Variants in CSMD1 observed in about 807,000 individuals in gnomAD.
CSMD1 encodes the protein CUB and Sushi multiple domains 1.
A neutral mutation model predicts 417.5 loss-of-function variants in CSMD1; 213 were observed. That is an observed-to-expected ratio of 0.51 (90% CI 0.46 to 0.57). CSMD1 has a LOEUF of 0.57. Ranked by LOEUF, CSMD1 falls within the 20% of genes least tolerant of loss-of-function variation. CSMD1 has a pLI of 0.00. For missense variants in CSMD1, 6,923 were observed against 4,529.7 expected (o/e 1.53, Z -15.17); for synonymous variants, 2,862 against 1,736.8 (o/e 1.65, Z -16.11).
At chr8:2,994,791 C>A (rs1057508800) in intron 54 of CSMD1, among the ~76,000 whole-genome samples, 2 of 152,026 alleles carry the variant, frequency 1.3e-5, no homozygotes, top group African/African-American at 4.8e-5. Flanking sequence ...CATAGAAGCC[C>A]TTCCTGATAA....
chr8:4,513,086 AC>A (rs1377062884), intron 2 of CSMD1, among the ~76,000 whole-genome samples: 3 of 152,186 alleles, frequency 2.0e-5, no homozygotes, highest in African/African-American at 7.2e-5. Context: ...ATGTTATTGA[AC>A]TTTTGTCCAA....
intron 3 of CSMD1, among the ~76,000 whole-genome samples, chr8:4,187,421 C>T (rs1209643051): frequency 6.6e-6 from 1 of 152,010 alleles, no homozygotes; most frequent in Non-Finnish European, 1.5e-5. Context: ...CCAAGGCAGG[C>T]AGATCACCTG....
At chr8:4,217,664 A>AG (rs559775058) in intron 3 of CSMD1, among the ~76,000 whole-genome samples, 1 of 151,944 alleles carries the variant, frequency 6.6e-6, no homozygotes, top group African/African-American at 2.4e-5. Context: ...ATCAGAAAAA[A>AG]AAAAAAATTA....
chr8:4,123,842 G>A (rs962401173), intron 3 of CSMD1, among the ~76,000 whole-genome samples: 1 of 152,036 alleles, frequency 6.6e-6, no homozygotes, highest in African/African-American at 2.4e-5. Flanking sequence ...TAGAGAATGA[G>A]AACACGGAAC....
chr8:4,053,467 A>C (rs1438311396), intron 3 of CSMD1, among the ~76,000 whole-genome samples: 3 of 152,018 alleles, frequency 2.0e-5, no homozygotes, highest in African/African-American at 7.3e-5. Flanking sequence ...CTGAAGTTCA[A>C]GGTTTTGGCC....
intron 3 of CSMD1, among the ~76,000 whole-genome samples, chr8:4,077,321 ATG>A (rs1563092912): frequency 7.1e-6 from 1 of 140,992 alleles, no homozygotes; most frequent in African/African-American, 2.6e-5. Flanking sequence ...ATATATATAT[ATG>A]GTAGACATAT....
chr8:4,802,813 C>A (rs1798376546), intron 1 of CSMD1, among the ~76,000 whole-genome samples: 1 of 152,152 alleles, frequency 6.6e-6, no homozygotes, highest in African/African-American at 2.4e-5. Flanking sequence ...TAGGGAAGGA[C>A]AGACTCCAAT....
chr8:4,963,266 T>C lies in CSMD1; in HGVS notation c.85+31066A>G, dbSNP rs151213664. ...CGCAGGCTGGAGTGCAGTGGTGCAA[T>C]CTTGACTCACTGTAACCTCCACCTC... is the stretch of plus-strand genomic sequence containing the variant. On this transcript the variant is annotated intron_variant, in intron 1 of 69. Coordinates refer to ENST00000635120, the MANE Select transcript of CSMD1 (RefSeq NM_033225.6). Among the ~76,000 whole-genome samples the C allele has an allele frequency of 1.0e-3, 158 of 152,294 alleles. 3 individuals are homozygous for C. The East Asian group carries it at 0.014, about 13-fold the overall frequency.
intron 41 of CSMD1, 91 bp from the exon 42 acceptor site, chr8:3,118,678 G>C (rs1428632783): frequency 1.8e-6 from 2 of 1,138,742 alleles, no homozygotes; most frequent in South Asian, 1.5e-5. Context: ...GTGACTGCTT[G>C]AGATGAAGTT....
intron 10 of CSMD1, among the ~76,000 whole-genome samples, chr8:3,521,733 A>T (rs1797516778): frequency 6.6e-6 from 1 of 152,230 alleles, no homozygotes; most frequent in South Asian, 2.1e-4. Context: ...GTATGCCTCA[A>T]AGATGTTAAG....
intron 7 of CSMD1, among the ~76,000 whole-genome samples, chr8:3,647,766 GAA>G (rs1208519349): frequency 6.6e-6 from 1 of 152,180 alleles, no homozygotes; most frequent in Non-Finnish European, 1.5e-5. Flanking sequence ...GAGACAGAGA[GAA>G]AGAGTGAGAG....
At chr8:3,267,163 G>C (rs954702776) in intron 26 of CSMD1, among the ~76,000 whole-genome samples, 1 of 152,150 alleles carries the variant, frequency 6.6e-6, no homozygotes, top group African/African-American at 2.4e-5. Context: ...ATGTCTGCTG[G>C]AGGACCACCA....
intron 3 of CSMD1, among the ~76,000 whole-genome samples, chr8:4,312,526 T>C (rs1273193546): frequency 6.6e-6 from 1 of 151,242 alleles, no homozygotes; most frequent in Non-Finnish European, 1.5e-5. Flanking sequence ...ATGTTACTTA[T>C]TGAGAATGAT....
intron 28 of CSMD1, among the ~76,000 whole-genome samples, chr8:3,223,434 C>A (rs969159096): frequency 1.3e-5 from 2 of 152,112 alleles, no homozygotes; most frequent in African/African-American, 4.8e-5. Flanking sequence ...GTCTCCATAC[C>A]ATATTTTTAT....
chr8:4,131,973 C>T (rs987970993), intron 3 of CSMD1, among the ~76,000 whole-genome samples: 1 of 151,784 alleles, frequency 6.6e-6, no homozygotes, highest in Admixed American at 6.6e-5. Context: ...ACCATGTTAG[C>T]CAGGATGGTC....
intron 12 of CSMD1, among the ~76,000 whole-genome samples, chr8:3,441,631 G>A (rs563500777): frequency 8.7e-4 from 132 of 151,926 alleles, no homozygotes; most frequent in Non-Finnish European, 1.5e-3. Context: ...TAATGACATA[G>A]TAGCCATTGA....
intron 3 of CSMD1, among the ~76,000 whole-genome samples, chr8:4,149,625 G>T (rs779070029): frequency 6.6e-6 from 1 of 152,134 alleles, no homozygotes; most frequent in East Asian, 1.9e-4. Flanking sequence ...TCTGTCTGTA[G>T]AATCATCCTA....
chr8:4,410,694 TAAA>T (rs1563144576), intron 3 of CSMD1, among the ~76,000 whole-genome samples: 1 of 151,994 alleles, frequency 6.6e-6, no homozygotes, highest in Non-Finnish European at 1.5e-5. Flanking sequence ...AAAAAATTAA[TAAA>T]AAAATCTTGG....
At chr8:3,551,666 A>G (rs114590209) in intron 10 of CSMD1, among the ~76,000 whole-genome samples, 1,481 of 145,780 alleles carry the variant, frequency 0.01, 31 homozygotes, top group African/African-American at 0.033. Flanking sequence ...AAGCCAGTGT[A>G]TAGTTTCTTA....
Sources: allele counts gnomAD v4.1 joint callset (sites outside exome capture counted in the v4.1 genomes callset), GRCh38; gene constraint gnomAD v4.1.1; transcripts MANE v1.5; gene names NCBI Gene and HGNC (gene_info 2026-07-23, HGNC 2026-07-21).